NEDD9: variants seen among roughly 807,000 people sequenced by gnomAD.
NEDD9 encodes enhancer of filamentation 1.
NEDD9 carries 26 observed loss-of-function variants against 76.6 expected under a neutral mutation model. The ratio of observed to expected loss-of-function variants is 0.34; its 90% confidence interval spans 0.25 to 0.47. The LOEUF (loss-of-function observed/expected upper bound fraction) is 0.47. Among genes scored for constraint, NEDD9 ranks in the 20% least tolerant of loss-of-function variants. The pLI is 1.00. For synonymous variants in NEDD9, 392 were observed against 414.2 expected, an observed-to-expected ratio of 0.95 and a Z score of 0.65; for missense variants, 937 against 1,058.5, an observed-to-expected ratio of 0.89 and a Z score of 1.59.
chr6:11,270,565 G>A (rs938885885), intron 3 of NEDD9, among the ~76,000 whole-genome samples: 1 of 152,158 alleles, frequency 6.6e-6, no homozygotes, highest in South Asian at 2.1e-4. Context: ...TGACGTAGTC[G>A]TGAAGCAAAG....
At chr6:11,237,235 C>T (rs965314424), upstream of NEDD9, among the ~76,000 whole-genome samples, 1 of 152,148 alleles carries the variant, frequency 6.6e-6, no homozygotes, top group Non-Finnish European at 1.5e-5. This position sits in a 1 kb window ranked among gnomAD's most constrained non-coding sequence, Gnocchi z 4.9. Flanking sequence ...GTCTGTTTCC[C>T]CAGCTCCGAT....
At chr6:11,296,221 C>T (rs181838718) in intron 3 of NEDD9, among the ~76,000 whole-genome samples, 66 of 152,194 alleles carry the variant, frequency 4.3e-4, no homozygotes, top group Admixed American at 2.0e-3. Context: ...GAATAAATTT[C>T]TGTTGTTTAA....
intron 3 of NEDD9, among the ~76,000 whole-genome samples, chr6:11,257,956 C>A (rs931644640): frequency 8.5e-5 from 13 of 152,138 alleles, no homozygotes; most frequent in South Asian, 6.2e-4. Flanking sequence ...CATTTACAGT[C>A]AAATATAAAT....
chr6:11,190,035 C>G lies in NEDD9; in HGVS notation c.1834G>C (p.Ala612Pro). Reference sequence around the variant, plus strand: ...CCATCACTGCTGCTACAGTCAGGGGCCTGCTCCTTGCTCAGGCCTGGGGGC... The same window carrying G: ...CCATCACTGCTGCTACAGTCAGGGGGCTGCTCCTTGCTCAGGCCTGGGGGC... ...ALPPGLSKEQ[A>P]PDCSSSDGSE... The change falls in exon 5 of 7, where the codon GCC (alanine) becomes CCC (proline). Residue 612 changes from alanine (A) to proline (P), a missense_variant. Coordinates refer to ENST00000379446, the MANE Select transcript of NEDD9 (RefSeq NM_006403.4). The surrounding 1 kb of genome is among the most constrained non-coding windows in gnomAD (Gnocchi z 5.8). 1.3e-6 allele frequency: 2 copies of G among 1,563,636 alleles called. No homozygotes were observed. The highest frequency in any genetic ancestry group is 2.4e-5 in the South Asian group (2 of 81,752).
chr6:11,331,986 T>C (rs1335890199), intron 2 of NEDD9, among the ~76,000 whole-genome samples: 1 of 152,174 alleles, frequency 6.6e-6, no homozygotes, highest in East Asian at 1.9e-4. Flanking sequence ...GTGCAATGGC[T>C]GATTATTGGG....
In NEDD9 at chr6:11,365,289, C is replaced by CA. The variant is rs796765327; in HGVS notation, c.-214+16849dup. Reference sequence around the variant, plus strand: ...CATAGACCTATTCTTGTCCTACTTTCAAAAAAAAACAGCTCTTCCTGCTGA... The same window carrying CA: ...CATAGACCTATTCTTGTCCTACTTTCAAAAAAAAAACAGCTCTTCCTGCTGA... On this transcript the variant is annotated intron_variant, in intron 1 of 3. Coordinates refer to the NEDD9 transcript ENST00000397378. 1.5e-3 allele frequency among the ~76,000 whole-genome samples: 223 copies of CA among 150,852 alleles called. 2 individuals are homozygous for CA. Among genetic ancestry groups the CA allele is most frequent in the African/African-American group, 4.8e-3 (196 of 41,074 alleles).
rs537317781 is a variant in NEDD9 at position 11,241,164 on chromosome 6, G to T, written c.13-27437C>A. On this transcript the variant is annotated intron_variant, in intron 3 of 3. Coordinates refer to the NEDD9 transcript ENST00000397378. The surrounding 1 kb of genome is among the most constrained non-coding windows in gnomAD (Gnocchi z 4.0). Reference sequence around the variant, plus strand: ...GGACTCTCATGGCTGAAATGAGAGTGGCCGTCTCCTCTTTCCGGAGGCACT... The same window carrying T: ...GGACTCTCATGGCTGAAATGAGAGTTGCCGTCTCCTCTTTCCGGAGGCACT... Among the ~76,000 whole-genome samples the T allele has an allele frequency of 6.6e-6, 1 of 152,168 alleles. No homozygotes were observed. Among genetic ancestry groups the T allele is most frequent in the African/African-American group, 2.4e-5 (1 of 41,422 alleles).
chr6:11,218,910 C>T (rs865973871), intron 1 of NEDD9, among the ~76,000 whole-genome samples: 2 of 152,120 alleles, frequency 1.3e-5, no homozygotes, highest in African/African-American at 2.4e-5. Flanking sequence ...TTCGCAACTA[C>T]GGAGCAAACA....
chr6:11,270,277 A>C (rs1292077226), intron 3 of NEDD9, among the ~76,000 whole-genome samples: 1 of 152,218 alleles, frequency 6.6e-6, no homozygotes, highest in Non-Finnish European at 1.5e-5. Context: ...AGATTACAAA[A>C]TAGTAAGTAG....
At chr6:11,339,050 C>T (rs1762222268) in intron 1 of NEDD9, among the ~76,000 whole-genome samples, 1 of 151,578 alleles carries the variant, frequency 6.6e-6, no homozygotes, top group South Asian at 2.1e-4. Context: ...AAGATATAGA[C>T]TGAAACATAA....
intron 1 of NEDD9, among the ~76,000 whole-genome samples, chr6:11,334,997 T>C (rs186255062): frequency 6.6e-6 from 1 of 152,318 alleles, no homozygotes; most frequent in African/African-American, 2.4e-5. Flanking sequence ...TTAAAGCTGA[T>C]CCTCTTACAA....
rs748266888 is a variant in NEDD9, at chr6:11,232,552, G to C, written c.-37C>G. 1.1e-5 allele frequency: 18 copies of C among 1,614,158 alleles called. No individual in the cohort carries two copies. In the South Asian group the frequency reaches 1.8e-4, roughly 16 times the overall value. ...TGGGTTGAGCCGTTTTCCTACACTA[G>C]TTAAGACAGCATTAAGCACTGCGGT... On this transcript the variant is annotated 5_prime_UTR_variant, in exon 1 of 7. Transcript: ENST00000379446.
chr6:11,315,860 A>C (rs1253677010), intron 2 of NEDD9, among the ~76,000 whole-genome samples: 1 of 152,250 alleles, frequency 6.6e-6, no homozygotes, highest in Non-Finnish European at 1.5e-5. Context: ...ATGCTTTAAC[A>C]TGTTCTACAA....
chr6:11,255,728 T>G (rs980265806), intron 3 of NEDD9, among the ~76,000 whole-genome samples: 2 of 152,050 alleles, frequency 1.3e-5, no homozygotes, highest in African/African-American at 4.8e-5. Flanking sequence ...TGAGATCTGT[T>G]AAGGATTTTT....
At chr6:11,343,755 T>C (rs1762317327) in intron 1 of NEDD9, among the ~76,000 whole-genome samples, 1 of 152,204 alleles carries the variant, frequency 6.6e-6, no homozygotes, top group African/African-American at 2.4e-5. Context: ...GTAGACAGGC[T>C]AAAATCATAC....
chr6:11,347,896 C>T (rs574023171), intron 1 of NEDD9, among the ~76,000 whole-genome samples: 30 of 152,238 alleles, frequency 2.0e-4, no homozygotes, highest in Admixed American at 1.3e-3. Context: ...ACAAGGATGC[C>T]CTCTCTCACC....
intron 2 of NEDD9, among the ~76,000 whole-genome samples, chr6:11,322,964 G>T (rs554854617): frequency 6.6e-6 from 1 of 152,166 alleles, no homozygotes; most frequent in African/African-American, 2.4e-5. Context: ...ATTAATTCCC[G>T]GCATGGGAGT....
At chr6:11,320,618 A>G (rs1761774398) in intron 2 of NEDD9, among the ~76,000 whole-genome samples, 1 of 152,234 alleles carries the variant, frequency 6.6e-6, no homozygotes, top group Non-Finnish European at 1.5e-5. Flanking sequence ...TGTTGGTGAC[A>G]GCAACATATT....
At chr6:11,326,072 G>A (rs535048535) in intron 2 of NEDD9, among the ~76,000 whole-genome samples, 15 of 151,754 alleles carry the variant, frequency 9.9e-5, no homozygotes, top group Admixed American at 9.2e-4. Flanking sequence ...CTTGAACCCT[G>A]GAGGCGGAGG....
Sources: allele counts gnomAD v4.1 joint callset (sites outside exome capture counted in the v4.1 genomes callset), GRCh38; gene constraint gnomAD v4.1.1; non-coding constraint Gnocchi (gnomAD v3.1); transcripts MANE v1.5; gene names NCBI Gene and HGNC (gene_info 2026-07-23, HGNC 2026-07-21).